PTPRT: variants seen among roughly 807,000 people sequenced by gnomAD.
PTPRT encodes the protein protein tyrosine phosphatase receptor type T, also known as receptor-type tyrosine-protein phosphatase T.
In PTPRT, 56 loss-of-function variants were observed where a neutral mutation model predicts 176.8. The ratio of observed to expected loss-of-function variants is 0.32; its 90% CI spans 0.26 to 0.40. PTPRT has a LOEUF of 0.40. Ranked by LOEUF, PTPRT falls within the 10% of genes least tolerant of loss-of-function variation. The pLI is 1.00. For missense variants in PTPRT, 1,540 were observed against 1,908.2 expected (o/e 0.81, Z 3.60); for synonymous variants, 783 against 739.0 (o/e 1.06, Z -0.96).
At chr20:42,454,925 G>A (rs375216150) in intron 8 of PTPRT, among the ~76,000 whole-genome samples, 15 of 152,282 alleles carry the variant, frequency 9.9e-5, no homozygotes, top group Middle Eastern at 3.4e-3. Flanking sequence ...GAAGCAAGAA[G>A]TGCCAGAGAG....
chr20:42,443,056 T>C (rs1452306751), intron 9 of PTPRT, among the ~76,000 whole-genome samples: 1 of 152,230 alleles, frequency 6.6e-6, no homozygotes, highest in Non-Finnish European at 1.5e-5. Flanking sequence ...GCAGATGTCA[T>C]GATTTCCATA....
chr20:42,083,118 C>CAGAAA (rs11471456), intron 29 of PTPRT, among the ~76,000 whole-genome samples: 4 of 60,078 alleles, frequency 6.7e-5, no homozygotes, highest in Non-Finnish European at 1.1e-4. Context: ...GACACTAGTG[C>CAGAAA]AAAAAAAAAA....
In PTPRT at chr20:42,945,511, G is replaced by C. The variant is rs563228636; in HGVS notation, c.89-59579C>G. Among the ~76,000 whole-genome samples the C allele has an allele frequency of 5.3e-5, 8 of 152,338 alleles. 1 individual carries two copies. In the South Asian group the frequency reaches 1.7e-3, roughly 32 times the overall value. On this transcript the variant is annotated intron_variant, in intron 1 of 30. Coordinates refer to ENST00000373187, the MANE Select transcript of PTPRT (RefSeq NM_007050.6). Reference sequence around the variant, plus strand: ...TTATCACTTCCAACAAAACATGGAAGAGACAAAACCCCAGCGGATGCTCCC... The same window carrying C: ...TTATCACTTCCAACAAAACATGGAACAGACAAAACCCCAGCGGATGCTCCC...
At position 42,315,974 on chromosome 20, in the gene PTPRT, C is replaced by T. The variant is rs724159841; in HGVS notation, c.1888G>A (p.Glu630Lys). 1.2e-6 allele frequency: 2 copies of T among 1,614,014 alleles called. No individual in the cohort carries two copies. Among genetic ancestry groups the T allele is most frequent in the African/African-American group, 1.3e-5 (1 of 75,018 alleles). Reference protein sequence around the residue: ...PVSVYQLVVKEERLQKSRRAA... With the variant: ...PVSVYQLVVKKERLQKSRRAA... ...CTCCGTGACTTCTGAAGTCGCTCCT[C>T]CTTGACAACCAGCTGATAAACACTG... The change falls in exon 12 of 31, where the codon GAG (glutamate) becomes AAG (lysine). Residue 630 changes from glutamate (E) to lysine (K), a missense_variant. This residue lies in a region of PTPRT where 81 missense variants were observed against 89.9 expected (regional missense o/e 0.90). Transcript: ENST00000373187.
At chr20:43,125,613 T>A (rs1416402356) in intron 1 of PTPRT, among the ~76,000 whole-genome samples, 2 of 152,230 alleles carry the variant, frequency 1.3e-5, no homozygotes, top group African/African-American at 4.8e-5. Flanking sequence ...GCTAGCATTA[T>A]TTTCACTATG....
intron 1 of PTPRT, among the ~76,000 whole-genome samples, chr20:42,960,679 G>A (rs138745000): frequency 7.7e-4 from 117 of 152,140 alleles, no homozygotes; most frequent in African/African-American, 2.7e-3. Context: ...CATGCACACA[G>A]GTACACACAC....
At chr20:42,681,592 A>T (rs1253667966) in intron 6 of PTPRT, among the ~76,000 whole-genome samples, 13 of 152,162 alleles carry the variant, frequency 8.5e-5, no homozygotes, top group Non-Finnish European at 1.9e-4. Context: ...ACACTCATTC[A>T]TTCACTCGTT....
chr20:42,202,251 G>T (rs6016716), intron 15 of PTPRT, among the ~76,000 whole-genome samples: 91,782 of 152,004 alleles, frequency 0.6, 28,258 homozygotes, highest in African/African-American at 0.71. Context: ...ATTACAGGTG[G>T]GAGCCACCGT....
At chr20:42,129,435 T>C (rs1988022376) in intron 18 of PTPRT, among the ~76,000 whole-genome samples, 1 of 152,194 alleles carries the variant, frequency 6.6e-6, no homozygotes, top group African/African-American at 2.4e-5. Flanking sequence ...ATAAACAAGA[T>C]TTGCAGGCTT....
chr20:42,083,452 G>A (rs181995660), intron 29 of PTPRT, among the ~76,000 whole-genome samples: 180 of 152,324 alleles, frequency 1.2e-3, no homozygotes, highest in African/African-American at 4.1e-3. Flanking sequence ...GGGACACTAC[G>A]CAGCATCTTC....
chr20:42,988,458 G>C (rs1983719436), intron 1 of PTPRT, among the ~76,000 whole-genome samples: 1 of 152,166 alleles, frequency 6.6e-6, no homozygotes, highest in Non-Finnish European at 1.5e-5. Flanking sequence ...CATGGGATGG[G>C]GGAGATGTAC....
chr20:42,841,131 G>T (rs1308892141), intron 2 of PTPRT, among the ~76,000 whole-genome samples: 1 of 152,154 alleles, frequency 6.6e-6, no homozygotes, highest in Non-Finnish European at 1.5e-5. Flanking sequence ...CCACAAAGCA[G>T]ATATCCCACC....
intron 7 of PTPRT, among the ~76,000 whole-genome samples, chr20:42,608,153 A>C (rs1011038360): frequency 3.9e-5 from 6 of 152,174 alleles, no homozygotes; most frequent in Admixed American, 3.9e-4. Flanking sequence ...CAAACTCTGC[A>C]TCTGGCACCT....
intron 1 of PTPRT, among the ~76,000 whole-genome samples, chr20:42,955,837 A>AGGAG (rs1261413266): frequency 2.3e-5 from 2 of 88,200 alleles, no homozygotes; most frequent in African/African-American, 8.9e-5. Context: ...GTGAGGGAGA[A>AGGAG]GGAGGGAGGG....
At chr20:42,203,403 C>A (rs922152444) in intron 15 of PTPRT, among the ~76,000 whole-genome samples, 1 of 152,164 alleles carries the variant, frequency 6.6e-6, no homozygotes, top group Non-Finnish European at 1.5e-5. Flanking sequence ...TGGGCTTCAA[C>A]TCAGTCTTAT....
At chr20:42,811,805 T>C (rs6072876) in intron 2 of PTPRT, among the ~76,000 whole-genome samples, 4,340 of 152,288 alleles carry the variant, frequency 0.028, 81 homozygotes, top group Middle Eastern at 0.048. Flanking sequence ...TTACTTATCA[T>C]CAATCCTTAT....
intron 7 of PTPRT, among the ~76,000 whole-genome samples, chr20:42,487,270 C>T (rs1280611157): frequency 2.6e-5 from 4 of 152,198 alleles, no homozygotes; most frequent in African/African-American, 9.7e-5. Context: ...CTTTGTCAAT[C>T]TCAATATGAA....
At chr20:42,487,029 G>C (rs551675652) in intron 7 of PTPRT, among the ~76,000 whole-genome samples, 1 of 152,114 alleles carries the variant, frequency 6.6e-6, no homozygotes, top group Non-Finnish European at 1.5e-5. Flanking sequence ...TGTATGTTTT[G>C]GTTAACATGA....
chr20:42,510,190 A>G (rs1173245855), intron 7 of PTPRT, among the ~76,000 whole-genome samples: 2 of 152,124 alleles, frequency 1.3e-5, no homozygotes, highest in Admixed American at 6.6e-5. Context: ...CATCATGTGC[A>G]TAAGTTCAGG....
Sources: gnomAD v4.1 joint callset for allele counts (sites outside exome capture counted in the v4.1 genomes callset) on GRCh38, gnomAD v4.1.1 for gene constraint, gnomAD v4.1.1 regional missense constraint, MANE v1.5 for transcripts, NCBI Gene and HGNC (gene_info 2026-07-23, HGNC 2026-07-21) for gene names.